The following LSAMP variants were observed in gnomAD, a reference collection of about 807,000 sequenced individuals.
LSAMP encodes the protein limbic system-associated membrane protein.
A neutral mutation model predicts 38.6 loss-of-function variants in LSAMP; 7 were observed. The ratio of observed to expected loss-of-function variants is 0.18; its 90% CI spans 0.10 to 0.34. The LOEUF (loss-of-function observed/expected upper bound fraction) is 0.34, where lower values mean the gene tolerates loss of function less well. LSAMP is among the 10% of genes least tolerant of loss of function. The pLI, the probability that LSAMP is intolerant of heterozygous loss-of-function variation, is 1.00. For synonymous variants in LSAMP, 154 were observed against 166.8 expected, an observed-to-expected ratio of 0.92 and a Z score of 0.59; for missense variants, 313 against 420.0, an observed-to-expected ratio of 0.75 and a Z score of 2.23.
intron 1 of LSAMP, among the ~76,000 whole-genome samples, chr3:116,349,047 C>T (rs1484339377): frequency 6.6e-6 from 1 of 151,940 alleles, no homozygotes; most frequent in African/African-American, 2.4e-5. Context: ...CTTACGCTTC[C>T]CTCAGTTGTA....
At chr3:116,103,660 G>T (rs1708399779) in intron 1 of LSAMP, among the ~76,000 whole-genome samples, 1 of 149,782 alleles carries the variant, frequency 6.7e-6, no homozygotes, top group African/African-American at 2.5e-5. Context: ...TATGCAGTGT[G>T]AGTCCCTTAA....
At chr3:115,979,837 T>C (rs1171873223) in intron 3 of LSAMP, among the ~76,000 whole-genome samples, 2 of 152,176 alleles carry the variant, frequency 1.3e-5, no homozygotes, top group East Asian at 3.8e-4. Flanking sequence ...CTGCATATAG[T>C]AGTTGTTTAA....
intron 1 of LSAMP, among the ~76,000 whole-genome samples, chr3:116,431,121 G>T (rs2049274843): frequency 6.6e-6 from 1 of 151,664 alleles, no homozygotes; most frequent in Non-Finnish European, 1.5e-5. Context: ...TGCTTCCTAT[G>T]GTTTTATCCA....
intron 1 of LSAMP, among the ~76,000 whole-genome samples, chr3:116,113,381 T>G (rs1260304256): frequency 6.8e-6 from 1 of 146,422 alleles, no homozygotes; most frequent in Admixed American, 6.8e-5. Context: ...AGTTTAGAAA[T>G]TTTAGAAATA....
chr3:116,167,616 C>G (rs1209281387), intron 1 of LSAMP, among the ~76,000 whole-genome samples: 1 of 152,156 alleles, frequency 6.6e-6, no homozygotes, highest in Non-Finnish European at 1.5e-5. Context: ...TTCCATCCAT[C>G]TATTGAATTC....
chr3:116,284,935 T>C (rs1453921635), intron 1 of LSAMP, among the ~76,000 whole-genome samples: 1 of 152,160 alleles, frequency 6.6e-6, no homozygotes, highest in Non-Finnish European at 1.5e-5. Context: ...GAAAAGAAAA[T>C]ATACAATGGC....
At chr3:115,967,874 A>AATC (rs1487781357) in intron 3 of LSAMP, among the ~76,000 whole-genome samples, 2 of 152,044 alleles carry the variant, frequency 1.3e-5, no homozygotes, top group Non-Finnish European at 2.9e-5. Flanking sequence ...AACATGTGGG[A>AATC]ATTATGGGAG....
chr3:116,055,954 G>T (rs893308971), intron 2 of LSAMP, among the ~76,000 whole-genome samples: 1 of 149,344 alleles, frequency 6.7e-6, no homozygotes, highest in African/African-American at 2.5e-5. Context: ...GATGGAAAAG[G>T]ATCCCTGCTT....
intron 1 of LSAMP, among the ~76,000 whole-genome samples, chr3:116,318,583 TTAAC>T (rs2047665055): frequency 1.3e-5 from 2 of 152,202 alleles, no homozygotes; most frequent in Non-Finnish European, 2.9e-5. Flanking sequence ...GGTTACAATT[TTAAC>T]TAACTTAAAA....
At chr3:116,166,778 T>C (rs1710060838) in intron 1 of LSAMP, among the ~76,000 whole-genome samples, 1 of 146,460 alleles carries the variant, frequency 6.8e-6, no homozygotes, top group Non-Finnish European at 1.5e-5. Flanking sequence ...AATTTTTAGT[T>C]TTTTTTTTGT....
chr3:116,246,587 C>T lies in LSAMP; in HGVS notation c.156-160031G>A, dbSNP rs116652331. ...GAAAATTATGCCAAGCGTGCAGTGC[C>T]ATCTGCTCCTGTAGCGATGCCATCC... On this transcript the variant is annotated intron_variant, in intron 1 of 6. Transcript: ENST00000490035. Among the ~76,000 whole-genome samples, 593 of 152,306 alleles carry T rather than the reference C, an allele frequency of 3.9e-3. 9 individuals carry two copies. The highest frequency in any genetic ancestry group is 0.014 in the African/African-American group (564 of 41,560).
intron 2 of LSAMP, among the ~76,000 whole-genome samples, chr3:116,084,889 C>G (rs1052677130): frequency 6.6e-6 from 1 of 151,606 alleles, no homozygotes; most frequent in African/African-American, 2.4e-5. Context: ...CTAAGTGATC[C>G]TAAGTAAACT....
chr3:116,423,707 G>A (rs1453044784), intron 1 of LSAMP, among the ~76,000 whole-genome samples: 1 of 152,172 alleles, frequency 6.6e-6, no homozygotes, highest in Non-Finnish European at 1.5e-5. Context: ...TGGGAACAGA[G>A]AGCGAGTACT....
At chr3:115,902,017 A>C (rs1313100870) in intron 3 of LSAMP, among the ~76,000 whole-genome samples, 1 of 148,098 alleles carries the variant, frequency 6.8e-6, no homozygotes, top group Non-Finnish European at 1.5e-5. Context: ...AAACTAAATA[A>C]CTGAAAGGCA....
At chr3:116,372,196 C>G (rs2048438416) in intron 1 of LSAMP, among the ~76,000 whole-genome samples, 1 of 151,954 alleles carries the variant, frequency 6.6e-6, no homozygotes, top group Non-Finnish European at 1.5e-5. Context: ...GTAATCAAAA[C>G]AGTGCAGTAA....
intron 3 of LSAMP, among the ~76,000 whole-genome samples, chr3:115,893,644 A>G (rs1936657385): frequency 6.6e-6 from 1 of 152,052 alleles, no homozygotes; most frequent in Admixed American, 6.6e-5. Flanking sequence ...ATATTATAAA[A>G]GTGTAGTCTT....
chr3:116,395,286 T>C (rs1344972517), intron 1 of LSAMP, among the ~76,000 whole-genome samples: 1 of 152,200 alleles, frequency 6.6e-6, no homozygotes, highest in Non-Finnish European at 1.5e-5. Flanking sequence ...ATGGCATTTG[T>C]AGCCCCACAA....
chr3:116,031,849 T>C (rs1481636808), intron 2 of LSAMP, among the ~76,000 whole-genome samples: 1 of 152,086 alleles, frequency 6.6e-6, no homozygotes, highest in Non-Finnish European at 1.5e-5. Flanking sequence ...ACATACACAT[T>C]ATTTCCTTCT....
intron 1 of LSAMP, among the ~76,000 whole-genome samples, chr3:116,121,729 G>C (rs1708880199): frequency 6.6e-6 from 1 of 152,238 alleles, no homozygotes; most frequent in African/African-American, 2.4e-5. Flanking sequence ...AACACTGATA[G>C]TAAATGGTAG....
Sources: allele counts gnomAD v4.1 joint callset (sites outside exome capture counted in the v4.1 genomes callset), GRCh38; gene constraint gnomAD v4.1.1; transcripts MANE v1.5; gene names NCBI Gene and HGNC (gene_info 2026-07-23, HGNC 2026-07-21).